The following NSRP1 variants were observed in gnomAD, a reference collection of about 807,000 sequenced individuals.
NSRP1 encodes coiled-coil domain containing 55.
In NSRP1, 24 loss-of-function variants were observed where a neutral mutation model predicts 54.7. That is an observed-to-expected ratio of 0.44 (90% CI 0.32 to 0.62). NSRP1 has a LOEUF of 0.62. NSRP1 is among the 20% of genes least tolerant of loss of function. The probability of loss-of-function intolerance (pLI) is 0.06; values close to 1 mark genes in which losing one functional copy is unlikely to be tolerated. For missense variants in NSRP1, 596 were observed against 651.2 expected, an observed-to-expected ratio of 0.92 and a Z score of 0.92; for synonymous variants, 210 against 213.8, an observed-to-expected ratio of 0.98 and a Z score of 0.15.
At chr17:30,160,957 G>A (rs1322089638) in intron 2 of NSRP1, among the ~76,000 whole-genome samples, 1 of 152,148 alleles carries the variant, frequency 6.6e-6, no homozygotes, top group Non-Finnish European at 1.5e-5. Context: ...TTTTCTCATT[G>A]CGTAACCAGG....
intron 2 of NSRP1, among the ~76,000 whole-genome samples, chr17:30,143,100 C>G (rs989948738): frequency 1.3e-5 from 2 of 152,192 alleles, no homozygotes; most frequent in Non-Finnish European, 2.9e-5. Flanking sequence ...CATATACTGA[C>G]AGGCTTTGAT....
intron 2 of NSRP1, among the ~76,000 whole-genome samples, chr17:30,162,868 A>G (rs1054706057): frequency 2.6e-5 from 4 of 152,020 alleles, no homozygotes; most frequent in African/African-American, 9.7e-5. Context: ...AGGAGTACCA[A>G]TAATACAGAC....
intron 2 of NSRP1, among the ~76,000 whole-genome samples, chr17:30,133,022 C>G (rs571943548): frequency 6.6e-6 from 1 of 152,214 alleles, no homozygotes; most frequent in Non-Finnish European, 1.5e-5. Context: ...TCACTGCAAC[C>G]TCTGTCGCCT....
chr17:30,132,163 G>T (rs9909359), intron 2 of NSRP1, among the ~76,000 whole-genome samples: 1 of 149,158 alleles, frequency 6.7e-6, no homozygotes, highest in African/African-American at 2.5e-5. Flanking sequence ...CAGGAGAATG[G>T]CATGAACCAG....
chr17:30,184,475 C>A, intron 6 of NSRP1, 140 bp from the exon 7 acceptor site: 2 of 1,071,452 alleles, frequency 1.9e-6, no homozygotes, highest in Non-Finnish European at 1.3e-6. Context: ...GACCTTTTTG[C>A]ATTTGGATAA....
Position 30,184,959 on chromosome 17 carries a change from A to C in NSRP1, c.962A>C (p.Gln321Pro). ...CATGAGAAAAGGGAAGATCAGCACCAGCAGAAGCAATCCAGAGACCAAGAG... is the reference window on the plus strand; with the variant it reads ...CATGAGAAAAGGGAAGATCAGCACCCGCAGAAGCAATCCAGAGACCAAGAG... ...RGHEKREDQHQQKQSRDQENH... is the reference protein window; with the variant it reads ...RGHEKREDQHPQKQSRDQENH... Residue 321 changes from glutamine (Q) to proline (P), a missense_variant, in exon 7 of 7, where the codon CAG becomes CCG. By Grantham distance (76) the Gln-to-Pro change is moderately conservative (BLOSUM62 -1). Transcript: ENST00000247026. 2 of 1,614,156 alleles carry C rather than the reference A, an allele frequency of 1.2e-6. No homozygotes were observed. The highest frequency in any genetic ancestry group is 1.7e-6 in the Non-Finnish European group (2 of 1,180,040).
intron 6 of NSRP1, among the ~76,000 whole-genome samples, chr17:30,182,369 C>T (rs1261543409): frequency 6.6e-6 from 1 of 152,116 alleles, no homozygotes; most frequent in Non-Finnish European, 1.5e-5. Flanking sequence ...GTAGGTTGGG[C>T]GCAGTGACTC....
chr17:30,122,280 C>T (rs548974886), intron 2 of NSRP1: 7 of 126,360 alleles, frequency 5.5e-5, no homozygotes, highest in South Asian at 5.4e-4. Context: ...GATATGTTTT[C>T]ATTTCCATTG....
intron 2 of NSRP1, among the ~76,000 whole-genome samples, chr17:30,152,119 T>C (rs1795397837): frequency 6.6e-6 from 1 of 151,108 alleles, no homozygotes; most frequent in Non-Finnish European, 1.5e-5. Context: ...TTTGATGAGA[T>C]TTGAAATAAT....
intron 2 of NSRP1, among the ~76,000 whole-genome samples, chr17:30,124,629 T>C (rs747410371): frequency 6.6e-6 from 1 of 152,144 alleles, no homozygotes; most frequent in African/African-American, 2.4e-5. Flanking sequence ...GGGATACAAG[T>C]AGGAGATGGT....
chr17:30,123,046 A>G (rs1223954138), intron 2 of NSRP1, among the ~76,000 whole-genome samples: 1 of 142,356 alleles, frequency 7.0e-6, no homozygotes, highest in East Asian at 1.9e-4. Context: ...CAGCTTCCCA[A>G]AGTGCTGGGA....
At chr17:30,150,018 G>T (rs1348749682) in intron 2 of NSRP1, 2 of 152,120 alleles carry the variant, frequency 1.3e-5, no homozygotes, top group Non-Finnish European at 1.5e-5. Context: ...TGTCTCTACA[G>T]ATTTACCTAT....
intron 6 of NSRP1, 140 bp from the exon 7 acceptor site, chr17:30,184,475 C>T: frequency 9.3e-7 from 1 of 1,071,454 alleles, no homozygotes; most frequent in Non-Finnish European, 1.3e-6. Flanking sequence ...GACCTTTTTG[C>T]ATTTGGATAA....
At chr17:30,169,745 G>T (rs1904857326) in intron 2 of NSRP1, among the ~76,000 whole-genome samples, 1 of 151,562 alleles carries the variant, frequency 6.6e-6, no homozygotes, top group South Asian at 2.1e-4. Context: ...TTAGTTCTTT[G>T]CATACTTATT....
chr17:30,178,950 C>G (rs1176634590), intron 4 of NSRP1, 140 bp from the exon 5 acceptor site: 1 of 443,814 alleles, frequency 2.3e-6, no homozygotes, highest in African/African-American at 2.0e-5. Context: ...ATTAATCTTG[C>G]TAGTAAGTTT....
chr17:30,132,981 T>C (rs73274879), intron 2 of NSRP1, among the ~76,000 whole-genome samples: 1 of 152,148 alleles, frequency 6.6e-6, no homozygotes, highest in Non-Finnish European at 1.5e-5. Context: ...GCTTTGTCAC[T>C]CTGGCTGGAG....
At position 30,129,136 on chromosome 17, in the gene NSRP1, A is replaced by T. The variant is rs549218031; in HGVS notation, c.114+10963A>T. ...ATGGTGAATTTTAAGGATTTCCCATAGTGTATTTAGTTTCCAAATCATATT... is the reference window on the plus strand; with the variant it reads ...ATGGTGAATTTTAAGGATTTCCCATTGTGTATTTAGTTTCCAAATCATATT... On this transcript the variant is annotated intron_variant, in intron 2 of 6. Coordinates refer to ENST00000247026, the MANE Select transcript of NSRP1 (RefSeq NM_032141.4). Among the ~76,000 whole-genome samples, 26 of 151,948 alleles carry T rather than the reference A, an allele frequency of 1.7e-4. 1 individual carries two copies. The highest frequency in any genetic ancestry group is 6.3e-4 in the African/African-American group (26 of 41,458).
At chr17:30,122,838 A>T (rs1044250904) in intron 2 of NSRP1, among the ~76,000 whole-genome samples, 5 of 152,080 alleles carry the variant, frequency 3.3e-5, no homozygotes, top group Admixed American at 2.0e-4. Context: ...GCCATATAGA[A>T]GGTGTACAGT....
chr17:30,136,676 A>G (rs749849468), intron 2 of NSRP1, among the ~76,000 whole-genome samples: 64 of 152,212 alleles, frequency 4.2e-4, no homozygotes, highest in Non-Finnish European at 4.1e-4. Context: ...GTGTTTTAGA[A>G]TCAGAGAAAT....
Sources: allele counts gnomAD v4.1 joint callset (sites outside exome capture counted in the v4.1 genomes callset), GRCh38; gene constraint gnomAD v4.1.1; transcripts MANE v1.5; gene names NCBI Gene and HGNC (gene_info 2026-07-23, HGNC 2026-07-21).